Variants in ARFGEF1 observed in about 807,000 individuals in gnomAD.
ARFGEF1 encodes brefeldin A-inhibited guanine nucleotide-exchange protein 1.
ARFGEF1 carries 42 observed loss-of-function variants against 231.0 expected under a neutral mutation model. That is an observed-to-expected ratio of 0.18 (90% CI 0.14 to 0.24). ARFGEF1 has a LOEUF of 0.24. Among genes scored for constraint, ARFGEF1 ranks in the 10% least tolerant of loss-of-function variants. ARFGEF1 has a pLI of 1.00. For missense variants in ARFGEF1, 1,345 were observed against 2,192.0 expected (o/e 0.61, Z 7.72); for synonymous variants, 710 against 732.3 (o/e 0.97, Z 0.49).
chr8:67,197,432 G>C (rs548013658), downstream of ARFGEF1, among the ~76,000 whole-genome samples: 9 of 152,274 alleles, frequency 5.9e-5, no homozygotes, highest in Admixed American at 4.6e-4. Flanking sequence ...CTGGACAACA[G>C]AGTGAGATCC....
At chr8:67,302,558 C>A (rs12678201) in intron 1 of ARFGEF1, 92 bp from the exon 2 acceptor site, 1 of 883,378 alleles carries the variant, frequency 1.1e-6, no homozygotes, top group Non-Finnish European at 1.7e-6. Context: ...TTTGGAACTT[C>A]TACAAAAAGT....
At chr8:67,318,737 A>C (rs1296722054) in intron 1 of ARFGEF1, among the ~76,000 whole-genome samples, 1 of 152,228 alleles carries the variant, frequency 6.6e-6, no homozygotes, top group African/African-American at 2.4e-5. Context: ...CACTTTGGGA[A>C]GCTGAGGCAA....
chr8:67,192,684 C>T (rs1478211352), downstream of ARFGEF1, among the ~76,000 whole-genome samples: 1 of 152,160 alleles, frequency 6.6e-6, no homozygotes, highest in Non-Finnish European at 1.5e-5. Context: ...TTAATTTTTG[C>T]ACAGGGTGTG....
chr8:67,183,945 C>T (rs569118786), intron 5 of ARFGEF1, among the ~76,000 whole-genome samples: 1 of 150,662 alleles, frequency 6.6e-6, no homozygotes, highest in Non-Finnish European at 1.5e-5. Context: ...CTCCGCCTCC[C>T]GGGTTCAAGC....
At chr8:67,267,809 A>G (rs1308837827) in intron 10 of ARFGEF1, among the ~76,000 whole-genome samples, 2 of 152,146 alleles carry the variant, frequency 1.3e-5, no homozygotes, top group African/African-American at 4.8e-5. Flanking sequence ...TCTGTTCATC[A>G]GTTATATTTT....
At chr8:67,285,428 G>A (rs1188492690) in intron 7 of ARFGEF1, among the ~76,000 whole-genome samples, 2 of 152,062 alleles carry the variant, frequency 1.3e-5, no homozygotes, top group Non-Finnish European at 2.9e-5. Context: ...AAGGCAGGAG[G>A]ACTGCGTGAG....
At chr8:67,304,914 A>T (rs938092519) in intron 1 of ARFGEF1, among the ~76,000 whole-genome samples, 2 of 152,222 alleles carry the variant, frequency 1.3e-5, no homozygotes, top group African/African-American at 4.8e-5. Context: ...TTCTTCATTT[A>T]AAAAAATTAT....
intron 1 of ARFGEF1, among the ~76,000 whole-genome samples, chr8:67,317,194 C>T (rs1317515673): frequency 6.6e-6 from 1 of 152,140 alleles, no homozygotes; most frequent in Non-Finnish European, 1.5e-5. Context: ...TTGAATCATC[C>T]TAATTTGTGT....
rs10102843 is a variant in ARFGEF1, at chr8:67,335,628, G to A, written c.124+7536C>T. 7.9e-3 allele frequency among the ~76,000 whole-genome samples: 1,197 copies of A among 152,240 alleles called. 11 individuals carry two copies. Among genetic ancestry groups the A allele is most frequent in the African/African-American group, 0.028 (1,154 of 41,538 alleles). On this transcript the variant is annotated intron_variant, in intron 1 of 38. Transcript: ENST00000262215. ...TCTTAGCAAAGTTCTGACAGATGAG[G>A]ATTGTTAAACAGCTGATTAAATGAA...
downstream of ARFGEF1, chr8:67,195,751 A>AAAT (rs1333450422): frequency 6.5e-6 from 4 of 610,726 alleles, no homozygotes; most frequent in East Asian, 1.1e-4. Context: ...TTATGTACAT[A>AAAT]AATAAAAGGC....
At chr8:67,300,897 G>A (rs1002951216) in intron 3 of ARFGEF1, among the ~76,000 whole-genome samples, 15 of 151,348 alleles carry the variant, frequency 9.9e-5, no homozygotes, top group African/African-American at 3.6e-4. Context: ...ATTTGCAAAT[G>A]GTGATGTATG....
At chr8:67,303,631 T>C (rs1351574381) in intron 1 of ARFGEF1, among the ~76,000 whole-genome samples, 1 of 151,888 alleles carries the variant, frequency 6.6e-6, no homozygotes, top group Non-Finnish European at 1.5e-5. Context: ...GGAGAATCAC[T>C]TGAACCTGGG....
At chr8:67,210,780 C>T (rs999558696) in intron 34 of ARFGEF1, among the ~76,000 whole-genome samples, 9 of 152,232 alleles carry the variant, frequency 5.9e-5, no homozygotes, top group South Asian at 4.1e-4. Context: ...CATGGCCAGG[C>T]GCAGTGGCTC....
intron 5 of ARFGEF1, among the ~76,000 whole-genome samples, chr8:67,178,617 T>TG (rs1832250411): frequency 6.6e-6 from 1 of 152,034 alleles, no homozygotes; most frequent in Admixed American, 6.6e-5. Context: ...ACAGTGGGCA[T>TG]GGGGGCTCAC....
At chr8:67,233,542 C>T (rs1279761069) in intron 22 of ARFGEF1, among the ~76,000 whole-genome samples, 2 of 151,984 alleles carry the variant, frequency 1.3e-5, no homozygotes, top group African/African-American at 2.4e-5. Flanking sequence ...TTCAACTAGT[C>T]ACTAAATTTT....
intron 34 of ARFGEF1, among the ~76,000 whole-genome samples, chr8:67,208,956 A>G (rs1240136417): frequency 6.6e-6 from 1 of 152,254 alleles, no homozygotes; most frequent in African/African-American, 2.4e-5. Context: ...AGGCGCTGGC[A>G]AAGATGTGGA....
intron 18 of ARFGEF1, among the ~76,000 whole-genome samples, chr8:67,252,971 G>A (rs903526796): frequency 1.3e-5 from 2 of 152,084 alleles, no homozygotes; most frequent in African/African-American, 4.8e-5. Context: ...CCTGACTATT[G>A]GGTCTAACTA....
intron 1 of ARFGEF1, among the ~76,000 whole-genome samples, chr8:67,317,543 A>G (rs1807375600): frequency 6.6e-6 from 1 of 151,862 alleles, no homozygotes; most frequent in Admixed American, 6.6e-5. Context: ...AGAATCCAGC[A>G]AGGTATAAAA....
At chr8:67,300,794 A>G (rs116806370) in intron 3 of ARFGEF1, among the ~76,000 whole-genome samples, 2,453 of 152,022 alleles carry the variant, frequency 0.016, 70 homozygotes, top group African/African-American at 0.057. Flanking sequence ...CAGTGAGCCA[A>G]GATTACGCCA....
Sources: allele counts gnomAD v4.1 joint callset (sites outside exome capture counted in the v4.1 genomes callset), GRCh38; gene constraint gnomAD v4.1.1; transcripts MANE v1.5; gene names NCBI Gene and HGNC (gene_info 2026-07-23, HGNC 2026-07-21).